THSD4: variants seen among roughly 807,000 people sequenced by gnomAD.
The protein encoded by THSD4 is thrombospondin type-1 domain-containing protein 4.
Under a neutral mutation model 119.0 loss-of-function variants are expected in THSD4, and 69 were observed. The ratio of observed to expected loss-of-function variants is 0.58; its 90% confidence interval spans 0.48 to 0.71. The LOEUF is 0.71. Among genes scored for constraint, THSD4 ranks in the 30% least tolerant of loss-of-function variants. The pLI is 0.00. For missense variants in THSD4, 1,393 were observed against 1,391.1 expected, an observed-to-expected ratio of 1.00 and a Z score of -0.02; for synonymous variants, 524 against 540.4, an observed-to-expected ratio of 0.97 and a Z score of 0.42.
chr15:71,632,487 G>A (rs1030321078), intron 7 of THSD4, among the ~76,000 whole-genome samples: 1 of 152,200 alleles, frequency 6.6e-6, no homozygotes, highest in African/African-American at 2.4e-5. Flanking sequence ...CTACTTCTTT[G>A]GCCACTCTGT....
At chr15:71,310,311 G>A (rs2045094205) in intron 6 of THSD4, among the ~76,000 whole-genome samples, 1 of 152,098 alleles carries the variant, frequency 6.6e-6, no homozygotes, top group South Asian at 2.1e-4. Flanking sequence ...ATGTCTCTGT[G>A]GGGGCCAAGG....
chr15:71,661,762 G>T (rs985557491), intron 8 of THSD4, among the ~76,000 whole-genome samples: 7 of 152,054 alleles, frequency 4.6e-5, no homozygotes, highest in African/African-American at 1.7e-4. Context: ...AACAATATAA[G>T]GGAGCCATTT....
intron 6 of THSD4, among the ~76,000 whole-genome samples, chr15:71,284,461 C>G (rs1305980551): frequency 6.6e-6 from 1 of 152,122 alleles, no homozygotes; most frequent in Non-Finnish European, 1.5e-5. Context: ...CATTTTCAGG[C>G]ATAGGAATTA....
rs188968253 is a variant in THSD4, at chr15:71,372,474, T to C, written c.1016-39213T>C. Among the ~76,000 whole-genome samples the C allele has an allele frequency of 6.7e-3, 1,021 of 152,370 alleles. 5 individuals carry two copies. The highest frequency in any genetic ancestry group is 0.01 in the Non-Finnish European group (705 of 68,034). On this transcript the variant is annotated intron_variant, in intron 6 of 17. Coordinates refer to ENST00000261862, the MANE Select transcript of THSD4 (RefSeq NM_024817.3). ...GGGGTTTTGGTGTGGATGTCCTTTC[T>C]GTTTGTTAGTTTTCCTTCTAACAGT...
intron 1 of THSD4, among the ~76,000 whole-genome samples, chr15:71,137,330 C>CA (rs903793667): frequency 2.0e-5 from 3 of 152,132 alleles, no homozygotes; most frequent in African/African-American, 7.2e-5. Context: ...ATCTTGTCAA[C>CA]ATTGGCCTGG....
Position 71,731,195 on chromosome 15 carries a change from G to A in THSD4, c.1608G>A (p.Gln536=). Reference sequence around the variant, plus strand: ...TGGGGACCAACGCCATCAGCCCCCAGGTGCCACCCCACAGGAGACCAGGTA... The same window carrying A: ...TGGGGACCAACGCCATCAGCCCCCAAGTGCCACCCCACAGGAGACCAGGTA... ...VIMGTNAISP[Q]VPPHRRPGEP... The change falls in exon 10 of 18, where the codon CAG becomes CAA. Residue 536 remains glutamine (Q), a synonymous_variant. Coordinates refer to ENST00000261862, the MANE Select transcript of THSD4 (RefSeq NM_024817.3). 1 of 1,614,140 alleles carries A rather than the reference G, an allele frequency of 6.2e-7. No homozygotes were observed. Among genetic ancestry groups the A allele is most frequent in the Non-Finnish European group, 8.5e-7 (1 of 1,180,002 alleles).
chr15:71,764,561 G>T (rs1483700350), intron 15 of THSD4, among the ~76,000 whole-genome samples: 2 of 152,236 alleles, frequency 1.3e-5, no homozygotes, highest in Non-Finnish European at 2.9e-5. Flanking sequence ...TCAGCTTTGG[G>T]TGTTCACAGG....
chr15:71,172,698 T>TATATATATATATATATATATATATATGTG (rs2043386610), intron 3 of THSD4, among the ~76,000 whole-genome samples: 1 of 96,382 alleles, frequency 1.0e-5, no homozygotes, highest in African/African-American at 5.4e-5. Context: ...TATATATATA[T>TATATATATATATATATATATATATATGTG]ATATATATAT....
chr15:71,365,724 A>G (rs916100546), intron 6 of THSD4, among the ~76,000 whole-genome samples: 3 of 152,140 alleles, frequency 2.0e-5, no homozygotes, highest in African/African-American at 4.8e-5. Flanking sequence ...TGTAGCTACA[A>G]GCAACTTTCC....
chr15:71,368,166 T>C (rs1451151083), intron 6 of THSD4, among the ~76,000 whole-genome samples: 3 of 152,234 alleles, frequency 2.0e-5, no homozygotes, highest in Admixed American at 6.5e-5. Flanking sequence ...TTGAGTTCTT[T>C]GTGGATTCTG....
Position 71,640,249 on chromosome 15 carries a change from A to ATT in THSD4, c.1153-20270_1153-20269dup, listed in dbSNP as rs201551522. Reference sequence around the variant, plus strand: ...AGGTACACACTGCTATGCTCAGCTAATTTTTTTTTTTTGTAGAAATAGGGT... The same window carrying ATT: ...AGGTACACACTGCTATGCTCAGCTAATTTTTTTTTTTTTTGTAGAAATAGGGT... On this transcript the variant is annotated intron_variant, in intron 7 of 17. Transcript: ENST00000261862. 6.1e-4 allele frequency among the ~76,000 whole-genome samples: 90 copies of ATT among 146,590 alleles called. No individual in the cohort carries two copies. The South Asian group carries it at 0.014, about 22-fold the overall frequency.
At chr15:71,633,508 C>G (rs1354278289) in intron 7 of THSD4, among the ~76,000 whole-genome samples, 1 of 152,128 alleles carries the variant, frequency 6.6e-6, no homozygotes, top group Non-Finnish European at 1.5e-5. Flanking sequence ...CTTCTGGGCT[C>G]AAACGATCCA....
chr15:71,441,583 C>T lies in THSD4; in HGVS notation c.1152+29760C>T, dbSNP rs547072607. Among the ~76,000 whole-genome samples the T allele has an allele frequency of 1.3e-4, 19 of 150,874 alleles. No individual in the cohort carries two copies. In the East Asian group the frequency reaches 2.2e-3, roughly 17 times the overall value. On this transcript the variant is annotated intron_variant, in intron 7 of 17. Coordinates refer to ENST00000261862, the MANE Select transcript of THSD4 (RefSeq NM_024817.3). ...CTAATTTTTGTATTTTTAGTAGAGA[C>T]GGGGTTTCACTATGTTGGCCAGGCT...
chr15:71,452,215 A>C (rs551938897), intron 7 of THSD4, among the ~76,000 whole-genome samples: 79 of 152,152 alleles, frequency 5.2e-4, no homozygotes, highest in African/African-American at 1.8e-3. Context: ...ACAGCGCTGC[A>C]TCTCCTCTCC....
chr15:71,347,280 T>G (rs940856604), intron 6 of THSD4, among the ~76,000 whole-genome samples: 5 of 152,176 alleles, frequency 3.3e-5, no homozygotes, highest in African/African-American at 1.2e-4. Context: ...TCACCCTGAA[T>G]GTAATCAATT....
At chr15:71,377,931 C>G (rs1241622803) in intron 6 of THSD4, among the ~76,000 whole-genome samples, 1 of 136,124 alleles carries the variant, frequency 7.3e-6, no homozygotes, top group East Asian at 2.3e-4. Flanking sequence ...TTCAGTGACT[C>G]TTCTGAAAGC....
At chr15:71,453,219 C>T (rs2047290678) in intron 7 of THSD4, among the ~76,000 whole-genome samples, 1 of 152,170 alleles carries the variant, frequency 6.6e-6, no homozygotes, top group Non-Finnish European at 1.5e-5. Context: ...AGACTAAGAC[C>T]ACCCTTTCCC....
intron 7 of THSD4, among the ~76,000 whole-genome samples, chr15:71,509,202 A>T (rs1386724936): frequency 2.0e-5 from 3 of 152,182 alleles, no homozygotes; most frequent in African/African-American, 7.2e-5. Context: ...CTACCTCCAG[A>T]ATGAAGAACA....
intron 6 of THSD4, among the ~76,000 whole-genome samples, chr15:71,403,382 C>T (rs2046564386): frequency 2.0e-5 from 3 of 152,132 alleles, no homozygotes; most frequent in Admixed American, 6.5e-5. Flanking sequence ...AGGCATTACT[C>T]AATTATTGTT....
Sources: allele counts gnomAD v4.1 joint callset (sites outside exome capture counted in the v4.1 genomes callset), GRCh38; gene constraint gnomAD v4.1.1; transcripts MANE v1.5; gene names NCBI Gene and HGNC (gene_info 2026-07-23, HGNC 2026-07-21).